Variants in SNX10 observed in about 807,000 individuals in gnomAD.
SNX10 encodes sorting nexin-10.
Under a neutral mutation model 28.5 loss-of-function variants are expected in SNX10, and 25 were observed. That is an observed-to-expected ratio of 0.88 (90% CI 0.64 to 1.22). The LOEUF is 1.22. SNX10 is among the 50% of genes most tolerant of loss of function. SNX10 has a pLI of 0.00. For missense variants in SNX10, 223 were observed against 242.6 expected (o/e 0.92, Z 0.54); for synonymous variants, 62 against 81.4 (o/e 0.76, Z 1.28).
chr7:26,315,712 G>T (rs1054452831), intron 1 of SNX10, among the ~76,000 whole-genome samples: 8 of 151,788 alleles, frequency 5.3e-5, no homozygotes, highest in Non-Finnish European at 7.4e-5. Context: ...TTTTAAAACT[G>T]CAAGATAGCG....
intron 1 of SNX10, among the ~76,000 whole-genome samples, chr7:26,338,403 G>C (rs986966352): frequency 5.9e-5 from 9 of 152,046 alleles, no homozygotes; most frequent in Admixed American, 1.3e-4. Flanking sequence ...AATTTACGCA[G>C]ACCCCGCTGT....
chr7:26,295,634 C>A (rs2127991954), intron 1 of SNX10, among the ~76,000 whole-genome samples: 1 of 152,300 alleles, frequency 6.6e-6, no homozygotes, highest in East Asian at 1.9e-4. Context: ...CCTGATAGTT[C>A]CCTGTGGATT....
At chr7:26,358,805 G>GGTTTTT (rs1554360945) in intron 2 of SNX10, among the ~76,000 whole-genome samples, 4 of 100,112 alleles carry the variant, frequency 4.0e-5, no homozygotes, top group Non-Finnish European at 5.5e-5. Context: ...GTTATCTTGT[G>GGTTTTT]TTTTTTTTTT....
intron 2 of SNX10, among the ~76,000 whole-genome samples, chr7:26,352,382 C>T (rs1421800963): frequency 6.6e-6 from 1 of 152,110 alleles, no homozygotes; most frequent in Non-Finnish European, 1.5e-5. Flanking sequence ...CATCAATAGC[C>T]ACAACATTCC....
chr7:26,308,246 C>G (rs1424545480), intron 1 of SNX10, among the ~76,000 whole-genome samples: 1 of 152,162 alleles, frequency 6.6e-6, no homozygotes, highest in Non-Finnish European at 1.5e-5. Flanking sequence ...CTCCCCAAGG[C>G]TAATCTTCCC....
At chr7:26,338,042 C>G (rs1788003267) in intron 1 of SNX10, among the ~76,000 whole-genome samples, 1 of 151,366 alleles carries the variant, frequency 6.6e-6, no homozygotes. Flanking sequence ...TGATGTTGAG[C>G]ATGTTTTCAT....
intron 6 of SNX10, 34 bp from the exon 7 acceptor site, chr7:26,372,457 C>G: frequency 2.9e-6 from 4 of 1,397,224 alleles, no homozygotes; most frequent in Non-Finnish European, 4.1e-6. Context: ...CCAATTTCCT[C>G]TTTTTATTAT....
intron 6 of SNX10, chr7:26,372,239 A>G (rs1053807881): frequency 5.1e-6 from 3 of 589,176 alleles, no homozygotes; most frequent in Non-Finnish European, 9.0e-6. Flanking sequence ...GAATTAATGA[A>G]TGCAGTAGAA....
intron 1 of SNX10, among the ~76,000 whole-genome samples, chr7:26,299,982 G>T (rs1170188490): frequency 6.6e-6 from 1 of 151,984 alleles, no homozygotes; most frequent in Non-Finnish European, 1.5e-5. Context: ...AGGCCGAGGC[G>T]AGTGGATCTC....
intron 1 of SNX10, among the ~76,000 whole-genome samples, chr7:26,314,328 G>T (rs1786977415): frequency 1.3e-5 from 2 of 151,342 alleles, no homozygotes; most frequent in Admixed American, 1.3e-4. Context: ...TGGTATCTCA[G>T]CTCACTGCAA....
At position 26,328,048 on chromosome 7, in the gene SNX10, C is replaced by A. The variant is rs78049859; in HGVS notation, c.-23-18372C>A. Among the ~76,000 whole-genome samples, 623 of 152,080 alleles carry A rather than the reference C, an allele frequency of 4.1e-3. 29 individuals carry two copies. The East Asian group carries it at 0.093, about 23-fold the overall frequency. Reference sequence around the variant, plus strand: ...GGCCACATTCTTTTTCTTGTTTATTCAAAAATCATTTACTGAACCACTTGC... The same window carrying A: ...GGCCACATTCTTTTTCTTGTTTATTAAAAAATCATTTACTGAACCACTTGC... On this transcript the variant is annotated intron_variant, in intron 1 of 6. Coordinates refer to ENST00000338523, the MANE Select transcript of SNX10 (RefSeq NM_013322.3).
chr7:26,325,306 A>ATATATATATATATATATATATATATAT lies in SNX10; in HGVS notation c.-23-21114_-23-21113insTATATATATATATATATATATATATAT, dbSNP rs1787457774. 1.2e-3 allele frequency among the ~76,000 whole-genome samples: 62 copies of ATATATATATATATATATATATATATAT among 51,376 alleles called. 2 individuals are homozygous for ATATATATATATATATATATATATATAT. The highest frequency in any genetic ancestry group is 2.8e-3 in the Non-Finnish European group (51 of 17,950). 33.7% of individuals were successfully genotyped at this position (51,376 alleles called of 152,430 possible). A position where few individuals can be genotyped will look rare whatever the true frequency, so the allele number is the denominator to read the frequency against. ...AATTTTTTTCTACTGAAGTTTGCAA[A>ATATATATATATATATATATATATATAT]ATATATATATATATATATATATTTG... On this transcript the variant is annotated intron_variant, in intron 1 of 6. Coordinates refer to ENST00000338523, the MANE Select transcript of SNX10 (RefSeq NM_013322.3).
At chr7:26,358,807 T>TTTTTTTTTTTTTTGTTTTTG (rs1554360965) in intron 2 of SNX10, among the ~76,000 whole-genome samples, 2 of 137,904 alleles carry the variant, frequency 1.5e-5, no homozygotes, top group Non-Finnish European at 3.1e-5. Context: ...TATCTTGTGT[T>TTTTTTTTTTTTTTGTTTTTG]TTTTTTTTTT....
chr7:26,315,630 T>C (rs1787054303), intron 1 of SNX10, among the ~76,000 whole-genome samples: 1 of 151,370 alleles, frequency 6.6e-6, no homozygotes, highest in Non-Finnish European at 1.5e-5. Context: ...GTTTCGCCAC[T>C]GCACTTCTAG....
rs1789235617 is a variant in SNX10 at position 26,365,087 on chromosome 7, A to G, written c.253A>G (p.Met85Val). ...ELPSKNLFFN[M>V]NNRQHVDQRR... is the part of the protein sequence containing the mutation. ...TCCATCTAAAAACCTGTTTTTCAAC[A>G]TGAACAATCGCCAGCACGTGGATCA... Residue 85 changes from methionine (M) to valine (V), a missense_variant, in exon 5 of 7, where the codon ATG (methionine) becomes GTG (valine). Transcript: ENST00000338523. The G allele has an allele frequency of 1.9e-6, 3 of 1,613,364 alleles. No individual in the cohort carries two copies. The highest frequency in any genetic ancestry group is 2.5e-6 in the Non-Finnish European group (3 of 1,179,318).
chr7:26,373,831 G>C lies in SNX10; in HGVS notation c.*1259G>C, dbSNP rs1414743271. On this transcript the variant is annotated 3_prime_UTR_variant, in exon 7 of 7. Coordinates refer to ENST00000338523, the MANE Select transcript of SNX10 (RefSeq NM_013322.3). This position sits in a 1 kb window ranked among gnomAD's most constrained non-coding sequence, Gnocchi z 4.2. ...AAAGCAACCTTTTCATTTTCACTAA[G>C]AGTTTAAAAGCTATTGTATTATTAA... 1 of 151,836 alleles carries C rather than the reference G, an allele frequency of 6.6e-6. No homozygotes were observed. Among genetic ancestry groups the C allele is most frequent in the South Asian group, 2.1e-4 (1 of 4,828 alleles). 9.4% of individuals were successfully genotyped at this position (151,836 alleles called of 1,614,324 possible).
intron 5 of SNX10, among the ~76,000 whole-genome samples, chr7:26,368,191 TATCTC>T (rs1562822651): frequency 1.3e-5 from 2 of 152,206 alleles, no homozygotes; most frequent in Non-Finnish European, 2.9e-5. Flanking sequence ...AGTTGGGTAT[TATCTC>T]AGTTTTATAG....
At chr7:26,327,424 A>G (rs912110865) in intron 1 of SNX10, among the ~76,000 whole-genome samples, 4 of 152,208 alleles carry the variant, frequency 2.6e-5, no homozygotes, top group Admixed American at 2.0e-4. Context: ...CTGGAGTGCA[A>G]TATATCACCT....
chr7:26,348,769 C>T (rs1788487680), intron 2 of SNX10, among the ~76,000 whole-genome samples: 1 of 152,222 alleles, frequency 6.6e-6, no homozygotes, highest in African/African-American at 2.4e-5. Flanking sequence ...CTCCAGTGCA[C>T]TTCTTGTTCC....
Sources: gnomAD v4.1 joint callset for allele counts (sites outside exome capture counted in the v4.1 genomes callset) on GRCh38, gnomAD v4.1.1 for gene constraint, Gnocchi (gnomAD v3.1) non-coding constraint, MANE v1.5 for transcripts, NCBI Gene and HGNC (gene_info 2026-07-23, HGNC 2026-07-21) for gene names.